The following KIF16B variants were observed in gnomAD, a reference collection of about 807,000 sequenced individuals.
KIF16B encodes the protein kinesin-like protein KIF16B.
KIF16B carries 98 observed loss-of-function variants against 156.3 expected under a neutral mutation model. That is an observed-to-expected ratio of 0.63 (90% CI 0.53 to 0.74). KIF16B has a LOEUF of 0.74. KIF16B is among the 30% of genes least tolerant of loss of function. The pLI, the probability that KIF16B is intolerant of heterozygous loss-of-function variation, is 0.00. For missense variants in KIF16B, 1,421 were observed against 1,606.5 expected, an observed-to-expected ratio of 0.88 and a Z score of 1.97; for synonymous variants, 564 against 583.7, an observed-to-expected ratio of 0.97 and a Z score of 0.49.
intron 25 of KIF16B, among the ~76,000 whole-genome samples, chr20:16,292,285 T>C (rs1025357055): frequency 3.3e-5 from 5 of 152,222 alleles, no homozygotes; most frequent in African/African-American, 4.8e-5. Context: ...GGTAAAAAGT[T>C]GTGTGGAATT....
At chr20:16,409,982 T>C (rs1490505639) in intron 15 of KIF16B, among the ~76,000 whole-genome samples, 1,572 of 55,454 alleles carry the variant, frequency 0.028, 209 homozygotes, top group South Asian at 0.031. Context: ...TATATATATA[T>C]ATATATATAT....
intron 17 of KIF16B, among the ~76,000 whole-genome samples, chr20:16,389,773 C>A (rs2065319320): frequency 6.6e-6 from 1 of 152,154 alleles, no homozygotes; most frequent in Non-Finnish European, 1.5e-5. Flanking sequence ...TTATTTCACC[C>A]AGGGTAGGCT....
chr20:16,569,406 T>C (rs2071379111), intron 1 of KIF16B, among the ~76,000 whole-genome samples: 1 of 152,234 alleles, frequency 6.6e-6, no homozygotes, highest in Non-Finnish European at 1.5e-5. Context: ...TAAAGGTGGC[T>C]ACCATTTTGC....
At chr20:16,408,778 T>A (rs536561728) in intron 15 of KIF16B, among the ~76,000 whole-genome samples, 1 of 152,240 alleles carries the variant, frequency 6.6e-6, no homozygotes, top group East Asian at 1.9e-4. Flanking sequence ...TCCATCTAGA[T>A]AATGTTTGAG....
intron 17 of KIF16B, among the ~76,000 whole-genome samples, chr20:16,400,089 A>C (rs939089734): frequency 6.6e-6 from 1 of 152,224 alleles, no homozygotes; most frequent in African/African-American, 2.4e-5. Context: ...TTTGAGAAAC[A>C]TGCAAATGAG....
At chr20:16,565,695 T>A (rs1160436734) in intron 1 of KIF16B, among the ~76,000 whole-genome samples, 1 of 152,196 alleles carries the variant, frequency 6.6e-6, no homozygotes, top group Non-Finnish European at 1.5e-5. Flanking sequence ...CAAATGCGCA[T>A]CCGCAGAGCT....
chr20:16,370,557 C>A (rs1390944896), intron 22 of KIF16B, 29 bp downstream of exon 22: 5 of 1,539,054 alleles, frequency 3.2e-6, no homozygotes, highest in Non-Finnish European at 3.5e-6. Flanking sequence ...TTTAAGGCGA[C>A]CCTATCAATC....
In KIF16B at chr20:16,379,661, GC is replaced by G; in HGVS notation, c.2340del (p.Arg781ValfsTer24). 6.2e-7 allele frequency: 1 copy of G among 1,613,920 alleles called. No homozygotes were observed. On this transcript the variant is annotated frameshift_variant, in exon 19 of 26. Transcript: ENST00000354981. LOFTEE classifies it high-confidence loss of function. The part of the protein sequence containing the change: ...REKQEMIQLL[R>X]RGEVQWVEEE... ...TCTTCCACCCACTGTACCTCCCCAC[GC>G]CGCAGGAGCTGGATCATCTCCTGCT...
chr20:16,350,890 A>C (rs2123103718), intron 23 of KIF16B, among the ~76,000 whole-genome samples: 1 of 134,482 alleles, frequency 7.4e-6, no homozygotes, highest in East Asian at 2.5e-4. Flanking sequence ...CGGGGTGGGC[A>C]CTGGGGGGGG....
rs1555877429 is a variant in KIF16B at position 16,409,980 on chromosome 20, T to TAC, written c.1613-3525_1613-3524insGT. On this transcript the variant is annotated intron_variant, in intron 15 of 25. Coordinates refer to ENST00000354981, the MANE Select transcript of KIF16B (RefSeq NM_024704.5). ...ATATATATATATATACATATATATATATATATATATATGTAGGTACATATA... is the reference window on the plus strand; with the variant it reads ...ATATATATATATATACATATATATATACATATATATATATGTAGGTACATATA... Among the ~76,000 whole-genome samples, 3 of 103,018 alleles carry TAC rather than the reference T, an allele frequency of 2.9e-5. 1 individual carries two copies. Among genetic ancestry groups the TAC allele is most frequent in the Non-Finnish European group, 5.7e-5 (3 of 52,482 alleles). The allele number at this position is 103,018 out of a possible 152,430, so 67.6% of individuals were successfully genotyped here.
At chr20:16,293,107 C>T (rs370148803) in intron 25 of KIF16B, among the ~76,000 whole-genome samples, 1 of 152,200 alleles carries the variant, frequency 6.6e-6, no homozygotes, top group East Asian at 1.9e-4. Context: ...CCAGAAACAA[C>T]AGGAAAAACA....
chr20:16,455,296 T>A (rs2067185390), intron 12 of KIF16B, among the ~76,000 whole-genome samples: 1 of 151,738 alleles, frequency 6.6e-6, no homozygotes, highest in Admixed American at 6.6e-5. Context: ...TCCTCTTGCC[T>A]CAGCCTCCCA....
intron 6 of KIF16B, 37 bp downstream of exon 6, chr20:16,511,381 C>T (rs201132452): frequency 8.9e-7 from 1 of 1,125,894 alleles, no homozygotes; most frequent in African/African-American, 1.6e-5. Context: ...TTACATAGAT[C>T]ACAAAAAGAA....
At chr20:16,423,871 C>T (rs2066285456) in intron 15 of KIF16B, among the ~76,000 whole-genome samples, 1 of 152,004 alleles carries the variant, frequency 6.6e-6, no homozygotes, top group African/African-American at 2.4e-5. Context: ...CGTGTTTTAA[C>T]TGTGTATCTT....
intron 15 of KIF16B, among the ~76,000 whole-genome samples, chr20:16,408,305 G>A (rs963828540): frequency 1.3e-5 from 2 of 152,148 alleles, no homozygotes; most frequent in Non-Finnish European, 2.9e-5. Flanking sequence ...TGGGGCAGCA[G>A]CAGATATTAT....
chr20:16,456,130 T>TACAATACAATACAAC (rs2067207084), intron 12 of KIF16B, among the ~76,000 whole-genome samples: 1 of 151,856 alleles, frequency 6.6e-6, no homozygotes, highest in South Asian at 2.1e-4. Flanking sequence ...TACAATACAA[T>TACAATACAATACAAC]ACAATACAAT....
chr20:16,398,286 G>A (rs1232671429), intron 17 of KIF16B, among the ~76,000 whole-genome samples: 1 of 152,196 alleles, frequency 6.6e-6, no homozygotes, highest in African/African-American at 2.4e-5. Context: ...AGTTCCGAGT[G>A]GAGAGTGACT....
intron 25 of KIF16B, among the ~76,000 whole-genome samples, chr20:16,307,972 A>C (rs1174344513): frequency 6.6e-6 from 1 of 152,184 alleles, no homozygotes; most frequent in Admixed American, 6.6e-5. Flanking sequence ...AATACGTACA[A>C]TATTTAAAGC....
At chr20:16,275,572 A>G (rs1397114503) in intron 25 of KIF16B, among the ~76,000 whole-genome samples, 1 of 152,210 alleles carries the variant, frequency 6.6e-6, no homozygotes, top group Non-Finnish European at 1.5e-5. Context: ...CAAGGCTAGT[A>G]ATCTAGAGAG....
Sources: gnomAD v4.1 joint callset for allele counts (sites outside exome capture counted in the v4.1 genomes callset) on GRCh38, gnomAD v4.1.1 for gene constraint, MANE v1.5 for transcripts, NCBI Gene and HGNC (gene_info 2026-07-23, HGNC 2026-07-21) for gene names.